The following ACSBG2 variants were observed in gnomAD, a reference collection of about 807,000 sequenced individuals.
ACSBG2 encodes acyl-CoA synthetase bubblegum family member 2.
In ACSBG2, 62 loss-of-function variants were observed where a neutral mutation model predicts 74.7. The observed-to-expected ratio is 0.83, with a 90% CI of 0.68 to 1.03. The LOEUF is 1.03. Among genes scored for constraint, ACSBG2 ranks in the 50% least tolerant of loss-of-function variants. ACSBG2 has a pLI of 0.00. For missense variants in ACSBG2, 730 were observed against 817.6 expected, an observed-to-expected ratio of 0.89 and a Z score of 1.31; for synonymous variants, 309 against 294.1, an observed-to-expected ratio of 1.05 and a Z score of -0.52.
intron 3 of ACSBG2, among the ~76,000 whole-genome samples, chr19:6,150,641 C>T (rs991200807): frequency 1.3e-5 from 2 of 152,050 alleles, no homozygotes; most frequent in Admixed American, 6.6e-5. Flanking sequence ...TCCCTAGAGT[C>T]GTTAGACTCA....
intron 4 of ACSBG2, among the ~76,000 whole-genome samples, chr19:6,154,244 A>C (rs1560697): frequency 0.71 from 107,363 of 150,484 alleles, 38,549 homozygotes; most frequent in Admixed American, 0.74. Flanking sequence ...AAAAACCCCA[A>C]AAAATTAGCC....
At chr19:6,185,744 C>A in intron 11 of ACSBG2, 91 bp downstream of exon 11, 1 of 1,316,256 alleles carries the variant, frequency 7.6e-7, no homozygotes. Flanking sequence ...AGGCCACCCC[C>A]AGTTCCTCAC....
intron 3 of ACSBG2, among the ~76,000 whole-genome samples, chr19:6,149,884 T>G (rs62107240): frequency 0.59 from 85,454 of 145,596 alleles, 26,248 homozygotes; most frequent in Admixed American, 0.68. Context: ...CCTCAAGAGA[T>G]CCACCTACCT....
chr19:6,140,373 G>A (rs942764120), intron 1 of ACSBG2, among the ~76,000 whole-genome samples: 1 of 152,050 alleles, frequency 6.6e-6, no homozygotes, highest in Non-Finnish European at 1.5e-5. Context: ...GTCCGCTACT[G>A]ATGGGTTAAA....
rs371866289 is a variant in ACSBG2, at chr19:6,184,832, GAAAAAAAAAAAAAAAAAAAAAAAAA to G, written c.1323-588_1323-564del. Among the ~76,000 whole-genome samples, 22 of 13,532 alleles carry G rather than the reference GAAAAAAAAAAAAAAAAAAAAAAAAA, an allele frequency of 1.6e-3. No individual in the cohort carries two copies. In the South Asian group the frequency reaches 0.092, roughly 56 times the overall value. The allele number at this position is 13,532 out of a possible 152,430, so 8.9% of individuals were successfully genotyped here. A position where few individuals can be genotyped will look rare whatever the true frequency, so the allele number is the denominator to read the frequency against. On this transcript the variant is annotated intron_variant, in intron 10 of 14. Coordinates refer to ENST00000588485, the MANE Select transcript of ACSBG2 (RefSeq NM_030924.5). ...TTTCTTTGCCGGCATATGTGGAGAT[GAAAAAAAAAAAAAAAAAAAAAAAAA>G]AAAAAAAAAAAAAAACGAAAAACAG...
chr19:6,182,215 A>C (rs1191686350), intron 8 of ACSBG2, among the ~76,000 whole-genome samples: 1 of 152,114 alleles, frequency 6.6e-6, no homozygotes, highest in Non-Finnish European at 1.5e-5. Context: ...GTATTTAAAA[A>C]AAAAAAAACT....
intron 2 of ACSBG2, among the ~76,000 whole-genome samples, chr19:6,145,216 G>A (rs2088984920): frequency 6.6e-6 from 1 of 152,052 alleles, no homozygotes; most frequent in African/African-American, 2.4e-5. Context: ...AGCCAACATG[G>A]TGAAACTCAT....
intron 10 of ACSBG2, 38 bp from the exon 11 acceptor site, chr19:6,185,398 C>G: frequency 6.2e-7 from 1 of 1,607,716 alleles, no homozygotes; most frequent in South Asian, 1.1e-5. Flanking sequence ...CTGACTTTGT[C>G]CCTATGAGCC....
intron 10 of ACSBG2, among the ~76,000 whole-genome samples, chr19:6,183,495 G>T (rs535869442): frequency 1.2e-3 from 188 of 152,250 alleles, no homozygotes; most frequent in Non-Finnish European, 2.1e-3. Context: ...ACATTCCATG[G>T]TCTCCCCGTT....
At chr19:6,190,721 G>A in intron 14 of ACSBG2, 29 bp downstream of exon 14, 2 of 1,495,360 alleles carry the variant, frequency 1.3e-6, no homozygotes, top group Non-Finnish European at 1.9e-6. Flanking sequence ...GCTTTGCTGG[G>A]CTATGCATTC....
intron 4 of ACSBG2, among the ~76,000 whole-genome samples, chr19:6,154,434 A>AGAGAGAGAT (rs1568226772): frequency 6.0e-4 from 23 of 38,204 alleles, no homozygotes; most frequent in South Asian, 1.2e-3. Flanking sequence ...GAGAGAGAGA[A>AGAGAGAGAT]AATTATTATT....
intron 6 of ACSBG2, among the ~76,000 whole-genome samples, chr19:6,164,157 C>T (rs1010322427): frequency 6.6e-6 from 1 of 152,146 alleles, no homozygotes; most frequent in East Asian, 1.9e-4. Context: ...ATTGGACCAG[C>T]ATGGGTCTGG....
At chr19:6,162,886 G>A (rs2145129069) in intron 6 of ACSBG2, among the ~76,000 whole-genome samples, 1 of 151,988 alleles carries the variant, frequency 6.6e-6, no homozygotes, top group East Asian at 2.0e-4. Context: ...AGGGTGGGCG[G>A]TGGTGGAGTA....
At chr19:6,145,558 G>A (rs993388943) in intron 2 of ACSBG2, among the ~76,000 whole-genome samples, 5 of 151,988 alleles carry the variant, frequency 3.3e-5, no homozygotes, top group Non-Finnish European at 5.9e-5. Flanking sequence ...CAAACGCAAG[G>A]TTACACACCC....
At chr19:6,152,675 A>AGTTTTACTT (rs1343373369) in intron 4 of ACSBG2, among the ~76,000 whole-genome samples, 1 of 151,786 alleles carries the variant, frequency 6.6e-6, no homozygotes, top group Non-Finnish European at 1.5e-5. Context: ...TACCTTTGGG[A>AGTTTTACTT]GTTTTACTTA....
At chr19:6,177,200 G>T in intron 7 of ACSBG2, 29 bp from the exon 8 acceptor site, 1 of 1,610,598 alleles carries the variant, frequency 6.2e-7, no homozygotes, top group Non-Finnish European at 8.5e-7. Context: ...ATGAGGGTGA[G>T]GCACCTTGGA....
At chr19:6,143,547 G>A (rs2088923639) in intron 2 of ACSBG2, among the ~76,000 whole-genome samples, 1 of 152,028 alleles carries the variant, frequency 6.6e-6, no homozygotes. Context: ...AATTCTGGGT[G>A]GACATGAATT....
At chr19:6,163,220 C>T (rs373448497) in intron 6 of ACSBG2, among the ~76,000 whole-genome samples, 28,330 of 75,546 alleles carry the variant, frequency 0.38, 7,613 homozygotes, top group Non-Finnish European at 0.48. Context: ...GAGGCTGAGG[C>T]GGGCAGATCA....
At position 6,135,874 on chromosome 19, in the gene ACSBG2, C is replaced by T. The variant is rs970220952; in HGVS notation, c.-67C>T. ...GATGTCCCAGCTCCAGGTGCCTTGC[C>T]AGATGGCCAGAACCACACCTCTTGA... On this transcript the variant is annotated 5_prime_UTR_variant, in exon 1 of 15. The change creates a premature stop within an existing upstream ORF in the 5' untranslated region. Transcript: ENST00000588485. 6.6e-6 allele frequency: 1 copy of T among 152,330 alleles called. No individual in the cohort carries two copies. Among genetic ancestry groups the T allele is most frequent in the African/African-American group, 2.4e-5 (1 of 41,442 alleles). 9.4% of individuals were successfully genotyped at this position (152,330 alleles called of 1,614,324 possible).
Sources: gnomAD v4.1 joint callset for allele counts (sites outside exome capture counted in the v4.1 genomes callset) on GRCh38, gnomAD v4.1.1 for gene constraint, MANE v1.5 for transcripts, NCBI Gene and HGNC (gene_info 2026-07-23, HGNC 2026-07-21) for gene names.